The following HCRTR2 variants were observed in gnomAD, a reference collection of about 807,000 sequenced individuals.
The protein encoded by HCRTR2 is hypocretin receptor 2.
HCRTR2 carries 22 observed loss-of-function variants against 49.0 expected under a neutral mutation model. The ratio of observed to expected loss-of-function variants is 0.45; its 90% CI spans 0.32 to 0.64. The LOEUF is 0.64. Ranked by LOEUF, HCRTR2 falls within the 30% of genes least tolerant of loss-of-function variation. The pLI is 0.04. For synonymous variants in HCRTR2, 236 were observed against 205.3 expected (o/e 1.15, Z -1.28); for missense variants, 491 against 559.4 (o/e 0.88, Z 1.23).
chr6:55,282,285 G>C lies in HCRTR2; in HGVS notation c.1166G>C (p.Arg389Pro). 1 of 1,613,758 alleles carries C rather than the reference G, an allele frequency of 6.2e-7. No homozygotes were observed. Among genetic ancestry groups the C allele is most frequent in the Non-Finnish European group, 8.5e-7 (1 of 1,179,922 alleles). The stretch of plus-strand genomic sequence containing the variant: ...TGCTGTTGCCTTGGAGTTCACCATC[G>C]CCAGGAGGATCGGCTCACCAGGGGA... ...FSCCCLGVHH[R>P]QEDRLTRGRT... The change falls in exon 7 of 7, where the codon CGC becomes CCC. Residue 389 changes from arginine (R) to proline (P), a missense_variant. Coordinates refer to ENST00000370862, the MANE Select transcript of HCRTR2 (RefSeq NM_001384272.1).
In HCRTR2 at chr6:55,128,477, A is replaced by G. The variant is rs7751631; in HGVS notation, c.-378+21932A>G. Among the ~76,000 whole-genome samples the G allele has an allele frequency of 5.9e-3, 893 of 152,274 alleles. 10 individuals are homozygous for G. The highest frequency in any genetic ancestry group is 0.021 in the African/African-American group (854 of 41,560). On this transcript the variant is annotated intron_variant, in intron 1 of 7. Transcript: ENST00000615358. ...TGAGAAGAATGTCATTGATAGTTTA[A>G]TAGGAATAGCATTGAATCTATAAAT...
chr6:55,156,620 A>G (rs1436012426), intron 1 of HCRTR2, among the ~76,000 whole-genome samples: 1 of 151,822 alleles, frequency 6.6e-6, no homozygotes, highest in Admixed American at 6.6e-5. Flanking sequence ...CCAGATCAAT[A>G]TAACTTATGG....
At chr6:55,221,531 G>A (rs931179945) in intron 1 of HCRTR2, among the ~76,000 whole-genome samples, 1 of 152,032 alleles carries the variant, frequency 6.6e-6, no homozygotes, top group Non-Finnish European at 1.5e-5. Context: ...TTAAAGATCT[G>A]GGCCGGGCGT....
intron 3 of HCRTR2, among the ~76,000 whole-genome samples, chr6:55,259,235 A>G (rs1043401531): frequency 1.4e-5 from 2 of 146,400 alleles, no homozygotes; most frequent in Admixed American, 6.8e-5. Context: ...AAAAAAAAAA[A>G]TGGAACCATT....
At chr6:55,257,039 C>A (rs1261321651) in intron 3 of HCRTR2, among the ~76,000 whole-genome samples, 1 of 152,010 alleles carries the variant, frequency 6.6e-6, no homozygotes, top group Non-Finnish European at 1.5e-5. Context: ...CAAAAATTCT[C>A]CAGACTGAGA....
intron 1 of HCRTR2, among the ~76,000 whole-genome samples, chr6:55,204,993 C>T (rs1050376164): frequency 4.6e-5 from 7 of 152,014 alleles, no homozygotes; most frequent in East Asian, 3.9e-4. Context: ...GATGAGGTCT[C>T]GCTATGTTGC....
intron 1 of HCRTR2, among the ~76,000 whole-genome samples, chr6:55,187,846 G>A (rs984699407): frequency 3.3e-5 from 5 of 151,994 alleles, no homozygotes; most frequent in Admixed American, 1.3e-4. Flanking sequence ...GCGCAATCTC[G>A]CCTCAGTGCA....
At chr6:55,133,541 T>C (rs1456622432) in intron 1 of HCRTR2, among the ~76,000 whole-genome samples, 7 of 151,918 alleles carry the variant, frequency 4.6e-5, no homozygotes, top group African/African-American at 1.7e-4. Context: ...GAATAACTTA[T>C]TGATGACCTC....
intron 1 of HCRTR2, among the ~76,000 whole-genome samples, chr6:55,225,174 G>A (rs763031502): frequency 5.3e-5 from 8 of 152,032 alleles, no homozygotes; most frequent in Non-Finnish European, 1.2e-4. Flanking sequence ...GTAGATAAAT[G>A]AAAGAAAATT....
At chr6:55,151,608 G>A (rs1284085744) in intron 1 of HCRTR2, among the ~76,000 whole-genome samples, 3 of 151,828 alleles carry the variant, frequency 2.0e-5, no homozygotes, top group African/African-American at 7.2e-5. Context: ...ATCTATGAGG[G>A]CTGGAATCAG....
intron 1 of HCRTR2, among the ~76,000 whole-genome samples, chr6:55,210,567 A>G (rs1050232427): frequency 1.3e-5 from 2 of 152,186 alleles, no homozygotes; most frequent in Admixed American, 1.3e-4. Flanking sequence ...TGAGAAACCC[A>G]GTCCACAGGG....
At chr6:55,217,924 C>A (rs1300134555) in intron 1 of HCRTR2, among the ~76,000 whole-genome samples, 1 of 152,126 alleles carries the variant, frequency 6.6e-6, no homozygotes, top group Admixed American at 6.5e-5. Context: ...TCCAGAGAGA[C>A]AAAACCAATG....
At position 55,225,684 on chromosome 6, in the gene HCRTR2, T is replaced by C. The variant is rs541227249; in HGVS notation, c.224-22955T>C. Among the ~76,000 whole-genome samples, 110 of 152,356 alleles carry C rather than the reference T, an allele frequency of 7.2e-4. 1 individual carries two copies. The highest frequency in any genetic ancestry group is 2.5e-3 in the African/African-American group (106 of 41,592). ...CTATAATTCCATATACATAAACTAA[T>C]ATTTTTAAGATACATGAAGGTTATG... On this transcript the variant is annotated intron_variant, in intron 1 of 6. Coordinates refer to ENST00000370862, the MANE Select transcript of HCRTR2 (RefSeq NM_001384272.1).
chr6:55,143,724 T>C (rs1302578414), intron 1 of HCRTR2, among the ~76,000 whole-genome samples: 1 of 150,054 alleles, frequency 6.7e-6, no homozygotes, highest in Non-Finnish European at 1.5e-5. Flanking sequence ...TGGGTAACAA[T>C]GAGATCCATT....
intron 1 of HCRTR2, among the ~76,000 whole-genome samples, chr6:55,146,560 G>T: frequency 6.9e-6 from 1 of 145,838 alleles, no homozygotes; most frequent in Non-Finnish European, 1.5e-5. Context: ...CAGAATATCA[G>T]ATTAAAGCAA....
At chr6:55,169,484 G>C (rs75087277) in intron 1 of HCRTR2, among the ~76,000 whole-genome samples, 1 of 151,902 alleles carries the variant, frequency 6.6e-6, no homozygotes. Context: ...CCCACCGAGA[G>C]TGCGTACAGT....
intron 1 of HCRTR2, among the ~76,000 whole-genome samples, chr6:55,150,237 C>T (rs1315991919): frequency 2.0e-5 from 3 of 151,424 alleles, no homozygotes; most frequent in Non-Finnish European, 4.4e-5. Context: ...TAGTAAACAC[C>T]CAGGAAGTTG....
intron 1 of HCRTR2, among the ~76,000 whole-genome samples, chr6:55,117,783 C>CAA (rs34425786): frequency 0.097 from 7,599 of 77,980 alleles, 447 homozygotes; most frequent in Middle Eastern, 0.13. Flanking sequence ...GATAAAGTCT[C>CAA]AAAAAAAAAA....
intron 1 of HCRTR2, among the ~76,000 whole-genome samples, chr6:55,243,756 G>T (rs562940014): frequency 6.6e-6 from 1 of 152,108 alleles, no homozygotes; most frequent in East Asian, 1.9e-4. Flanking sequence ...ATGATAAAGA[G>T]CCTTTGTGCC....
Sources: allele counts gnomAD v4.1 joint callset (sites outside exome capture counted in the v4.1 genomes callset), GRCh38; gene constraint gnomAD v4.1.1; transcripts MANE v1.5; gene names NCBI Gene and HGNC (gene_info 2026-07-23, HGNC 2026-07-21).